The following RHBDD2 variants were observed in gnomAD, a reference collection of about 807,000 sequenced individuals.
RHBDD2 encodes rhomboid domain-containing protein 2.
A neutral mutation model predicts 21.7 loss-of-function variants in RHBDD2; 13 were observed. The ratio of observed to expected loss-of-function variants is 0.60; its 90% CI spans 0.39 to 0.95. The LOEUF is 0.95. RHBDD2 is among the 40% of genes least tolerant of loss of function. The probability of loss-of-function intolerance (pLI) is 0.00; values close to 1 mark genes in which losing one functional copy is unlikely to be tolerated. For missense variants in RHBDD2, 473 were observed against 478.9 expected, an observed-to-expected ratio of 0.99 and a Z score of 0.11; for synonymous variants, 225 against 220.0, an observed-to-expected ratio of 1.02 and a Z score of -0.20.
At chr7:75,881,606 C>A in intron 1 of RHBDD2, 1 of 1,156,184 alleles carries the variant, frequency 8.6e-7, no homozygotes, top group Non-Finnish European at 1.2e-6. Flanking sequence ...AAGAGTTGCA[C>A]CAGGCCTGGG....
rs368904185 is a variant in RHBDD2 at position 75,881,920 on chromosome 7, C to A, written c.270C>A (p.Phe90Leu). The change falls in exon 2 of 4, where the codon TTC becomes TTA. Residue 90 changes from phenylalanine to leucine, a missense_variant. By Grantham distance (22) the Phe-to-Leu change is conservative. Coordinates refer to ENST00000006777, the MANE Select transcript of RHBDD2 (RefSeq NM_001040456.3). ...TCATCTGGCGCTTTGCTGGCAATTT[C>A]GAGAGAACCGTGGGCACCGTCCGCC... ...AIIIWRFAGN[F>L]ERTVGTVRHC... is the part of the protein sequence containing the mutation. The A allele has an allele frequency of 1.2e-6, 2 of 1,614,224 alleles. No individual in the cohort carries two copies. The highest frequency in any genetic ancestry group is 1.7e-6 in the Non-Finnish European group (2 of 1,180,036).
intron 3 of RHBDD2, among the ~76,000 whole-genome samples, chr7:75,884,574 C>T (rs552372070): frequency 1.1e-4 from 17 of 152,124 alleles, no homozygotes; most frequent in South Asian, 6.2e-4. Flanking sequence ...GGTTTATTGC[C>T]GTAAGTGATA....
intron 1 of RHBDD2, among the ~76,000 whole-genome samples, chr7:75,879,718 C>T (rs1805206968): frequency 1.3e-5 from 2 of 152,166 alleles, no homozygotes; most frequent in Non-Finnish European, 2.9e-5. Flanking sequence ...CCCTATAAGC[C>T]CTATAAACGT....
chr7:75,881,750 C>G (rs2115995943), intron 1 of RHBDD2, 79 bp from the exon 2 acceptor site: 1 of 1,410,924 alleles, frequency 7.1e-7, no homozygotes, highest in Non-Finnish European at 9.7e-7. Flanking sequence ...GGCTCTCTGC[C>G]TTTCCTAGGC....
intron 1 of RHBDD2, chr7:75,881,495 G>A (rs1805320623): frequency 7.6e-7 from 1 of 1,307,670 alleles, no homozygotes; most frequent in South Asian, 1.3e-5. Context: ...AGGTAGGTCA[G>A]TATGAAAACC....
At chr7:75,881,473 A>G (rs1554542478) in intron 1 of RHBDD2, 3 of 1,305,520 alleles carry the variant, frequency 2.3e-6, no homozygotes, top group East Asian at 5.3e-5. Context: ...TTAACCCTCA[A>G]ACTGCCCAGT....
At chr7:75,881,796 G>A (rs782325362) in intron 1 of RHBDD2, 33 bp from the exon 2 acceptor site, 15 of 1,555,842 alleles carry the variant, frequency 9.6e-6, no homozygotes, top group African/African-American at 1.4e-5. Flanking sequence ...GGAGCAACCC[G>A]CCGCCAGGCC....
Position 75,888,170 on chromosome 7 carries a change from G to A in RHBDD2, c.916G>A (p.Val306Met). ...CCAGCCTGCCTCCGGCCTGTGCTAT[G>A]TGCAGAACCACTTTGGTCCAAACCC... ...PYQPASGLCYVQNHFGPNPTS... is the reference protein window; with the variant it reads ...PYQPASGLCYMQNHFGPNPTS... The change falls in exon 4 of 4, where the codon GTG becomes ATG. Residue 306 changes from valine to methionine, a missense_variant. Val to Met is a conservative substitution (Grantham distance 21). Transcript: ENST00000006777. 3.1e-6 allele frequency: 5 copies of A among 1,613,874 alleles called. No homozygotes were observed. The South Asian group carries it at 4.4e-5, about 14-fold the overall frequency.
Position 75,883,813 on chromosome 7 carries a change from G to A in RHBDD2, c.702G>A (p.Gly234=). Residue 234 remains glycine, a synonymous_variant, in exon 3 of 4, where the codon GGG becomes GGA. Transcript: ENST00000006777. ...TATCCGTGTTCAAGTACGTCTCAGG[G>A]TCTTCAGCCGAGAGGAGGGCAGCCC... The part of the protein sequence containing the change: ...RRISVFKYVS[G]SSAERRAAQS... 6.2e-7 allele frequency: 1 copy of A among 1,614,036 alleles called. No individual in the cohort carries two copies. Among genetic ancestry groups the A allele is most frequent in the South Asian group, 1.1e-5 (1 of 91,088 alleles).
At chr7:75,885,725 C>T (rs1805619673) in intron 3 of RHBDD2, among the ~76,000 whole-genome samples, 1 of 152,028 alleles carries the variant, frequency 6.6e-6, no homozygotes, top group Non-Finnish European at 1.5e-5. Flanking sequence ...AGGTGCTGGG[C>T]TCTTAAACAC....
At chr7:75,884,313 G>T (rs35144704) in intron 3 of RHBDD2, among the ~76,000 whole-genome samples, 28,277 of 151,902 alleles carry the variant, frequency 0.19, 3,066 homozygotes, top group Non-Finnish European at 0.25. Flanking sequence ...CCTCACACTC[G>T]TGGACTCAAG....
At chr7:75,886,073 C>T (rs1554543784) in intron 3 of RHBDD2, among the ~76,000 whole-genome samples, 1 of 152,016 alleles carries the variant, frequency 6.6e-6, no homozygotes, top group Non-Finnish European at 1.5e-5. Flanking sequence ...GAGGAAACAT[C>T]CAAAGTGTAT....
chr7:75,881,337 A>C, intron 1 of RHBDD2: 1 of 1,289,430 alleles, frequency 7.8e-7, no homozygotes, highest in Non-Finnish European at 1.0e-6. Context: ...AAAATAATTC[A>C]TGGTCCCTTT....
intron 3 of RHBDD2, among the ~76,000 whole-genome samples, chr7:75,884,653 A>G (rs1184054255): frequency 6.6e-6 from 1 of 152,232 alleles, no homozygotes; most frequent in Non-Finnish European, 1.5e-5. Context: ...ATTCTGCACA[A>G]CTGCTTCTGA....
At position 75,883,799 on chromosome 7, in the gene RHBDD2, A is replaced by G. The variant is rs1554543108; in HGVS notation, c.688A>G (p.Lys230Glu). The change falls in exon 3 of 4, where the codon AAG (lysine) becomes GAG (glutamate). Residue 230 changes from lysine to glutamate, a missense_variant. Physicochemically the swap from Lys to Glu is moderately conservative, Grantham distance 56. Transcript: ENST00000006777. Reference protein sequence around the residue: ...FSLMRRISVFKYVSGSSAERR... With the variant: ...FSLMRRISVFEYVSGSSAERR... Reference sequence around the variant, plus strand: ...CCTGATGAGGAGGATATCCGTGTTCAAGTACGTCTCAGGGTCTTCAGCCGA... The same window carrying G: ...CCTGATGAGGAGGATATCCGTGTTCGAGTACGTCTCAGGGTCTTCAGCCGA... 6.2e-7 allele frequency: 1 copy of G among 1,614,004 alleles called. No homozygotes were observed. The highest frequency in any genetic ancestry group is 1.3e-5 in the African/African-American group (1 of 74,932).
chr7:75,884,820 A>T (rs573122190), intron 3 of RHBDD2, among the ~76,000 whole-genome samples: 1 of 152,238 alleles, frequency 6.6e-6, no homozygotes, highest in East Asian at 1.9e-4. Context: ...TAGCCTCGAT[A>T]AGTGCAGATA....
chr7:75,887,514 G>C (rs1397895669), intron 3 of RHBDD2, among the ~76,000 whole-genome samples: 3 of 151,486 alleles, frequency 2.0e-5, no homozygotes, highest in African/African-American at 7.3e-5. Flanking sequence ...AGTAGAGACC[G>C]GGTTTCATCA....
intron 3 of RHBDD2, among the ~76,000 whole-genome samples, chr7:75,884,791 C>T (rs1174138156): frequency 6.6e-6 from 1 of 152,134 alleles, no homozygotes; most frequent in African/African-American, 2.4e-5. Context: ...TGCAGGTCAG[C>T]CTGGGCTGTG....
intron 3 of RHBDD2, 39 bp from the exon 4 acceptor site, chr7:75,887,953 A>T: frequency 1.3e-6 from 2 of 1,557,734 alleles, no homozygotes. Flanking sequence ...CCTTGCCAAG[A>T]CTCGCTGAAG....
Sources: allele counts gnomAD v4.1 joint callset (sites outside exome capture counted in the v4.1 genomes callset), GRCh38; gene constraint gnomAD v4.1.1; transcripts MANE v1.5; gene names NCBI Gene and HGNC (gene_info 2026-07-23, HGNC 2026-07-21).